Variants in AKAP13 observed in about 807,000 individuals in gnomAD.
AKAP13 encodes the protein A-kinase anchor protein 13.
A neutral mutation model predicts 264.5 loss-of-function variants in AKAP13; 80 were observed. The ratio of observed to expected loss-of-function variants is 0.30; its 90% confidence interval spans 0.25 to 0.36. AKAP13 has a LOEUF of 0.36. Among genes scored for constraint, AKAP13 ranks in the 10% least tolerant of loss-of-function variants. The pLI is 1.00. For synonymous variants in AKAP13, 1,380 were observed against 1,250.2 expected, an observed-to-expected ratio of 1.10 and a Z score of -2.19; for missense variants, 3,712 against 3,435.2, an observed-to-expected ratio of 1.08 and a Z score of -2.01.
At chr15:85,687,039 A>G (rs1029353741) in intron 16 of AKAP13, among the ~76,000 whole-genome samples, 6 of 152,236 alleles carry the variant, frequency 3.9e-5, no homozygotes, top group African/African-American at 1.4e-4. Context: ...GTTTTAGGAC[A>G]GAGCAGTGAA....
chr15:85,586,694 G>T (rs2079367225), intron 8 of AKAP13, among the ~76,000 whole-genome samples: 1 of 152,150 alleles, frequency 6.6e-6, no homozygotes, highest in South Asian at 2.1e-4. Flanking sequence ...GGGAGGCTGA[G>T]GTGGGTGGAT....
Position 85,560,276 on chromosome 15 carries a change from AG to A in AKAP13, c.663-14854del, listed in dbSNP as rs1291529216. On this transcript the variant is annotated intron_variant, in intron 5 of 36. Transcript: ENST00000394518. ...GACCACTCGCCTCAGCCTCCCATGT[AG>A]CTAGGACTACAGGTGTGCACCACCA... is the stretch of plus-strand genomic sequence containing the variant. Among the ~76,000 whole-genome samples, 4 of 151,762 alleles carry A rather than the reference AG, an allele frequency of 2.6e-5. No homozygotes were observed. The South Asian group carries it at 8.3e-4, about 32-fold the overall frequency.
chr15:85,579,571 G>T lies in AKAP13; in HGVS notation c.1503G>T (p.Gly501=). Residue 501 remains glycine (G), a synonymous_variant, in exon 7 of 37, where the codon GGG becomes GGT. Coordinates refer to ENST00000394518, the MANE Select transcript of AKAP13 (RefSeq NM_007200.5). The part of the protein sequence containing the change: ...ATVWKNVLQG[G]ESTKERFENS... ...TTTGGAAGAATGTGCTTCAGGGAGG[G>T]GAAAGTACAAAGGAAAGATTTGAGA... 2 of 1,614,146 alleles carry T rather than the reference G, an allele frequency of 1.2e-6. No homozygotes were observed. Among genetic ancestry groups the T allele is most frequent in the Non-Finnish European group, 1.7e-6 (2 of 1,180,012 alleles).
intron 1 of AKAP13, among the ~76,000 whole-genome samples, chr15:85,450,481 G>A (rs1279510147): frequency 1.3e-5 from 2 of 151,508 alleles, no homozygotes; most frequent in Non-Finnish European, 3.0e-5. Flanking sequence ...TTTCTTTTTC[G>A]TGTGGGCATT....
intron 17 of AKAP13, among the ~76,000 whole-genome samples, chr15:85,703,713 T>A (rs1266070955): frequency 6.6e-6 from 1 of 151,942 alleles, no homozygotes; most frequent in East Asian, 1.9e-4. Flanking sequence ...CGTAGTGGCA[T>A]GGACCGGTAA....
chr15:85,583,839 AGAAG>A (rs72182345), intron 7 of AKAP13, among the ~76,000 whole-genome samples: 30,728 of 152,062 alleles, frequency 0.2, 4,089 homozygotes, highest in Middle Eastern at 0.41. Flanking sequence ...TGAGGTTTTG[AGAAG>A]GAAGAAAAAT....
chr15:85,724,682 C>T lies in AKAP13; in HGVS notation c.6745+1362C>T, dbSNP rs777270050. On this transcript the variant is annotated intron_variant, in intron 26 of 36. Coordinates refer to ENST00000394518, the MANE Select transcript of AKAP13 (RefSeq NM_007200.5). The surrounding 1 kb of genome is among the most constrained non-coding windows in gnomAD (Gnocchi z 4.2). ...TGGGTTCAAAAACGAGAACGGCAAG[C>T]AGGAGAGGGATACATGAGGTGGTTT... Among the ~76,000 whole-genome samples, 2 of 151,330 alleles carry T rather than the reference C, an allele frequency of 1.3e-5. No homozygotes were observed. The highest frequency in any genetic ancestry group is 2.9e-5 in the Non-Finnish European group (2 of 67,922).
chr15:85,703,311 G>A (rs1293327475), intron 17 of AKAP13, among the ~76,000 whole-genome samples: 2 of 152,178 alleles, frequency 1.3e-5, no homozygotes, highest in Non-Finnish European at 2.9e-5. Flanking sequence ...AGCAATAAAG[G>A]CAATTCTTTT....
intron 8 of AKAP13, among the ~76,000 whole-genome samples, chr15:85,637,406 C>T (rs1303726297): frequency 6.6e-6 from 1 of 152,122 alleles, no homozygotes; most frequent in Non-Finnish European, 1.5e-5. Flanking sequence ...CTATTTCATC[C>T]AACTTGATGA....
intron 9 of AKAP13, 99 bp from the exon 10 acceptor site, chr15:85,645,719 A>G: frequency 2.3e-6 from 3 of 1,282,394 alleles, no homozygotes; most frequent in Non-Finnish European, 3.2e-6. Flanking sequence ...GAGAGATTTA[A>G]AAGACTGGTT....
In AKAP13 at chr15:85,708,130, A is replaced by G; in HGVS notation, c.5532+44A>G. 3 of 1,586,582 alleles carry G rather than the reference A, an allele frequency of 1.9e-6. No homozygotes were observed. The highest frequency in any genetic ancestry group is 2.6e-6 in the Non-Finnish European group (3 of 1,159,128). ...AACAAGGCTTAAAATAAAAGGGTTTAAACCAGCAAAATCCTCGGGAGTTGG... is the reference window on the plus strand; with the variant it reads ...AACAAGGCTTAAAATAAAAGGGTTTGAACCAGCAAAATCCTCGGGAGTTGG... On this transcript the variant is annotated intron_variant, in intron 18 of 36. Coordinates refer to ENST00000394518, the MANE Select transcript of AKAP13 (RefSeq NM_007200.5). The surrounding 1 kb of genome is among the most constrained non-coding windows in gnomAD (Gnocchi z 4.3).
intron 11 of AKAP13, 101 bp downstream of exon 11, chr15:85,655,888 A>G: frequency 6.8e-7 from 1 of 1,471,004 alleles, no homozygotes; most frequent in Non-Finnish European, 9.0e-7. Context: ...GAGACCCCAT[A>G]GTATAGAAGA....
At position 85,479,901 on chromosome 15, in the gene AKAP13, T is replaced by A. The variant is rs186812655; in HGVS notation, c.-11-5809T>A. Among the ~76,000 whole-genome samples the A allele has an allele frequency of 4.8e-3, 727 of 152,318 alleles. 1 individual carries two copies. The highest frequency in any genetic ancestry group is 6.1e-3 in the Non-Finnish European group (412 of 68,036). Reference sequence around the variant, plus strand: ...ATACATTCTCATTTTAATTTTTTTTTATTGGTTCTAGGGACTTTTGGTAAA... The same window carrying A: ...ATACATTCTCATTTTAATTTTTTTTAATTGGTTCTAGGGACTTTTGGTAAA... On this transcript the variant is annotated intron_variant, in intron 1 of 36. Transcript: ENST00000394518.
chr15:85,612,834 AAG>A (rs1413718570), intron 8 of AKAP13, among the ~76,000 whole-genome samples: 25,693 of 112,966 alleles, frequency 0.23, 2,205 homozygotes, highest in African/African-American at 0.28. Context: ...ACAAAAAAAA[AAG>A]AAAAAAAGAA....
At chr15:85,425,110 A>G (rs1394886688) in intron 1 of AKAP13, among the ~76,000 whole-genome samples, 1 of 152,230 alleles carries the variant, frequency 6.6e-6, no homozygotes, top group Non-Finnish European at 1.5e-5. Flanking sequence ...ACACAGAGGC[A>G]TGAAGTGAGC....
intron 30 of AKAP13, among the ~76,000 whole-genome samples, chr15:85,733,959 G>A (rs1222137158): frequency 7.2e-6 from 1 of 139,242 alleles, no homozygotes; most frequent in African/African-American, 2.7e-5. Flanking sequence ...CTCAGCCTCA[G>A]CCTCCTGAGT....
At chr15:85,424,999 C>A (rs899610014) in intron 1 of AKAP13, among the ~76,000 whole-genome samples, 1 of 151,970 alleles carries the variant, frequency 6.6e-6, no homozygotes, top group Non-Finnish European at 1.5e-5. Context: ...AAAACAATTA[C>A]AATAGTAAAA....
intron 8 of AKAP13, among the ~76,000 whole-genome samples, chr15:85,636,682 A>G (rs1375940830): frequency 6.6e-6 from 1 of 150,796 alleles, no homozygotes; most frequent in Non-Finnish European, 1.5e-5. Flanking sequence ...TGGCACAATC[A>G]CGGCTCGCTG....
At chr15:85,498,750 G>T (rs940481840) in intron 2 of AKAP13, among the ~76,000 whole-genome samples, 1 of 152,128 alleles carries the variant, frequency 6.6e-6, no homozygotes, top group African/African-American at 2.4e-5. Flanking sequence ...ACTGCCATCT[G>T]GACTTCTCTA....
Sources: allele counts gnomAD v4.1 joint callset (sites outside exome capture counted in the v4.1 genomes callset), GRCh38; gene constraint gnomAD v4.1.1; non-coding constraint Gnocchi (gnomAD v3.1); transcripts MANE v1.5; gene names NCBI Gene and HGNC (gene_info 2026-07-23, HGNC 2026-07-21).